The following CIMAP1C variants were observed in gnomAD, a reference collection of about 807,000 sequenced individuals.
CIMAP1C encodes ciliary microtubule associated protein 1C.
chr15:75,727,002 G>A, the CIMAP1C span: 48 of 1,562,512 alleles, frequency 3.1e-5, no homozygotes, highest in Non-Finnish European at 4.1e-5. Flanking sequence ...TTGGCTAGCA[G>A]AGAATGAGGT....
At chr15:75,726,753 T>C in the CIMAP1C span, among the ~76,000 whole-genome samples, 1 of 152,136 alleles carries the variant, frequency 6.6e-6, no homozygotes, top group African/African-American at 2.4e-5. Context: ...ATAGCTGGGA[T>C]TACAGGTGCA....
the CIMAP1C span, chr15:75,727,229 C>T: frequency 6.2e-7 from 1 of 1,614,160 alleles, no homozygotes; most frequent in Non-Finnish European, 8.5e-7. Context: ...GCCCAACACC[C>T]CTGTCAGCCG....
chr15:75,725,372 G>A, the CIMAP1C span, among the ~76,000 whole-genome samples: 2 of 152,206 alleles, frequency 1.3e-5, no homozygotes, highest in African/African-American at 4.8e-5. Flanking sequence ...TTGAGGGTGG[G>A]GCAACTCCAT....
the CIMAP1C span, chr15:75,725,930 C>T: frequency 3.2e-6 from 2 of 622,338 alleles, no homozygotes; most frequent in African/African-American, 3.7e-5. Flanking sequence ...ATGAGGAAAT[C>T]AAGGGTCCCC....
the CIMAP1C span, chr15:75,725,984 G>T: frequency 4.4e-6 from 4 of 912,746 alleles, no homozygotes; most frequent in Non-Finnish European, 7.0e-6. Flanking sequence ...GGGAGATCTT[G>T]CCTGGAGGCA....
At chr15:75,726,547 T>C in the CIMAP1C span, among the ~76,000 whole-genome samples, 2 of 152,166 alleles carry the variant, frequency 1.3e-5, no homozygotes, top group Admixed American at 1.3e-4. Context: ...GATGACATTA[T>C]GGTTTTTTAC....
the CIMAP1C span, chr15:75,727,519 G>A: frequency 7.5e-6 from 12 of 1,590,170 alleles, no homozygotes; most frequent in Middle Eastern, 1.7e-4. Flanking sequence ...TGTGCCCACT[G>A]GTCATCGACA....
chr15:75,725,406 C>T, the CIMAP1C span, among the ~76,000 whole-genome samples: 1 of 152,232 alleles, frequency 6.6e-6, no homozygotes, highest in African/African-American at 2.4e-5. Context: ...CCGCCTCTCC[C>T]AAGGGAGCCT....
the CIMAP1C span, chr15:75,725,300 G>C: frequency 9.2e-7 from 1 of 1,092,810 alleles, no homozygotes; most frequent in East Asian, 2.4e-5. Flanking sequence ...GCCATTCTCT[G>C]TAGCCACTGG....
the CIMAP1C span, chr15:75,727,492 C>G: frequency 6.2e-7 from 1 of 1,610,466 alleles, no homozygotes; most frequent in Non-Finnish European, 8.5e-7. Context: ...CCATGGGCAT[C>G]AAGCACTCAC....
the CIMAP1C span, chr15:75,727,377 T>C: frequency 1.2e-6 from 2 of 1,614,004 alleles, no homozygotes; most frequent in African/African-American, 1.3e-5. Flanking sequence ...ACTTACAGCA[T>C]GGCCAAGCGC....
chr15:75,724,415 C>A, the CIMAP1C span: 2 of 827,106 alleles, frequency 2.4e-6, no homozygotes, highest in Non-Finnish European at 2.1e-6. Flanking sequence ...TTCCTTGAAG[C>A]CTTACAGAAG....
chr15:75,727,478 T>C, the CIMAP1C span: 1 of 1,612,660 alleles, frequency 6.2e-7, no homozygotes, highest in Non-Finnish European at 8.5e-7. Context: ...CATCCCTGCT[T>C]TCACCATGGG....
At chr15:75,726,137 G>C in the CIMAP1C span, 1 of 1,613,528 alleles carries the variant, frequency 6.2e-7, no homozygotes, top group Non-Finnish European at 8.5e-7. Flanking sequence ...CCAGCTGCCC[G>C]CAGGTCCCCA....
the CIMAP1C span, chr15:75,726,312 C>T: frequency 3.2e-6 from 2 of 619,888 alleles, no homozygotes; most frequent in South Asian, 1.9e-5. Context: ...AAGACACCGA[C>T]ATTGCAATGC....
chr15:75,724,878 A>T, the CIMAP1C span, among the ~76,000 whole-genome samples: 1 of 152,226 alleles, frequency 6.6e-6, no homozygotes, highest in Non-Finnish European at 1.5e-5. Flanking sequence ...TTCTCAATTA[A>T]CTGTAACTAT....
At chr15:75,724,083 C>T in the CIMAP1C span, 1 of 690,124 alleles carries the variant, frequency 1.4e-6, no homozygotes, top group South Asian at 1.7e-5. Flanking sequence ...TCTTCCTTCC[C>T]AGCTTCCTCC....
At chr15:75,726,984 A>G in the CIMAP1C span, 1 of 1,542,942 alleles carries the variant, frequency 6.5e-7, no homozygotes, top group Non-Finnish European at 8.8e-7. Context: ...GATAACCAGG[A>G]CCATCAGTTG....
chr15:75,726,208 A>ACTGTGGTGGGGGGTGGGGT, the CIMAP1C span: 1 of 532,850 alleles, frequency 1.9e-6, no homozygotes. Context: ...GGGGGTTGGG[A>ACTGTGGTGGGGGGTGGGGT]GGTTGGGGGG....
Sources: gnomAD v4.1 joint callset for allele counts (sites outside exome capture counted in the v4.1 genomes callset) on GRCh38, gnomAD v4.1.1 for gene constraint, MANE v1.5 for transcripts, NCBI Gene and HGNC (gene_info 2026-07-23, HGNC 2026-07-21) for gene names.